PAIP2B: variants seen among roughly 807,000 people sequenced by gnomAD.
PAIP2B encodes polyadenylate-binding protein-interacting protein 2B.
Under a neutral mutation model 17.0 loss-of-function variants are expected in PAIP2B, and 13 were observed. That is an observed-to-expected ratio of 0.76 (90% CI 0.50 to 1.22). The LOEUF is 1.22. Among genes scored for constraint, PAIP2B ranks in the 50% most tolerant of loss-of-function variants. PAIP2B has a pLI of 0.00. For synonymous variants in PAIP2B, 43 were observed against 48.7 expected (o/e 0.88, Z 0.48); for missense variants, 117 against 144.5 (o/e 0.81, Z 0.98).
chr2:71,219,082 A>ATTTTTTT (rs568552077), intron 1 of PAIP2B, among the ~76,000 whole-genome samples: 4 of 113,998 alleles, frequency 3.5e-5, no homozygotes, highest in Non-Finnish European at 5.2e-5. Flanking sequence ...CGCCTAGCTA[A>ATTTTTTT]TTTTTTTTTT....
At chr2:71,217,999 T>C (rs1451429789) in intron 1 of PAIP2B, among the ~76,000 whole-genome samples, 1 of 152,138 alleles carries the variant, frequency 6.6e-6, no homozygotes, top group Non-Finnish European at 1.5e-5. Flanking sequence ...GCCCACGAGT[T>C]TGAGGCTGCA....
intron 2 of PAIP2B, among the ~76,000 whole-genome samples, chr2:71,198,094 T>C (rs1674869595): frequency 6.6e-6 from 1 of 152,226 alleles, no homozygotes; most frequent in Non-Finnish European, 1.5e-5. Context: ...CATTCCTTTC[T>C]ATTCTTCTTG....
chr2:71,194,526 G>A (rs531137904), intron 2 of PAIP2B, among the ~76,000 whole-genome samples: 2 of 149,626 alleles, frequency 1.3e-5, no homozygotes, highest in South Asian at 2.1e-4. Context: ...TTCTGATTTG[G>A]CTCTCAGTTT....
chr2:71,222,243 A>G (rs376867697), intron 1 of PAIP2B, among the ~76,000 whole-genome samples: 4 of 152,168 alleles, frequency 2.6e-5, no homozygotes, highest in African/African-American at 7.2e-5. Flanking sequence ...ACAAAAAAGC[A>G]TATCTGTAGC....
intron 1 of PAIP2B, among the ~76,000 whole-genome samples, chr2:71,208,909 G>A (rs1231799740): frequency 1.3e-5 from 2 of 152,200 alleles, no homozygotes; most frequent in South Asian, 4.1e-4. Flanking sequence ...CAGAAGGAAA[G>A]TGGCCCTCCT....
rs2103742129 is a variant in PAIP2B, at chr2:71,187,421, T to C, written c.*1058A>G. 1 of 152,296 alleles carries C rather than the reference T, an allele frequency of 6.6e-6. No homozygotes were observed. The highest frequency in any genetic ancestry group is 2.1e-4 in the South Asian group (1 of 4,828). The allele number at this position is 152,296 out of a possible 1,614,324, so 9.4% of individuals were successfully genotyped here. A position where few individuals can be genotyped will look rare whatever the true frequency, so the allele number is the denominator to read the frequency against. On this transcript the variant is annotated 3_prime_UTR_variant, in exon 4 of 4. Transcript: ENST00000244221. ...TTTTGAGTTCCTTTCCATAATTCTG[T>C]AATGTGGGAAGAAATATCCAAACTG...
At chr2:71,193,761 G>A (rs1674746084) in intron 2 of PAIP2B, among the ~76,000 whole-genome samples, 1 of 152,188 alleles carries the variant, frequency 6.6e-6, no homozygotes, top group African/African-American at 2.4e-5. Flanking sequence ...GGCTGAGGCA[G>A]GAGAATGGCG....
intron 1 of PAIP2B, among the ~76,000 whole-genome samples, chr2:71,223,270 G>GTGT: frequency 6.6e-6 from 1 of 151,966 alleles, no homozygotes; most frequent in Non-Finnish European, 1.5e-5. Context: ...AAAATTCGTT[G>GTGT]GGTGTGGTGG....
At chr2:71,199,379 C>A (rs766899318) in intron 2 of PAIP2B, among the ~76,000 whole-genome samples, 2 of 150,522 alleles carry the variant, frequency 1.3e-5, no homozygotes, top group Non-Finnish European at 3.0e-5. Flanking sequence ...TTAATAGACA[C>A]CCAACGGGAA....
intron 2 of PAIP2B, among the ~76,000 whole-genome samples, chr2:71,196,846 TTC>T (rs1558774202): frequency 6.6e-6 from 1 of 152,210 alleles, no homozygotes; most frequent in Non-Finnish European, 1.5e-5. Flanking sequence ...CCCTGCTTTT[TTC>T]TGTTTTCCAT....
chr2:71,195,277 A>C (rs1167712448), intron 2 of PAIP2B, among the ~76,000 whole-genome samples: 1 of 152,132 alleles, frequency 6.6e-6, no homozygotes, highest in Non-Finnish European at 1.5e-5. Flanking sequence ...AATTTTTTAG[A>C]ATAGTTTCTG....
intron 1 of PAIP2B, among the ~76,000 whole-genome samples, chr2:71,203,618 T>C (rs1483431242): frequency 1.3e-5 from 2 of 151,970 alleles, no homozygotes; most frequent in East Asian, 3.8e-4. Context: ...CCATTTATAT[T>C]TCTTATTCTG....
intron 1 of PAIP2B, among the ~76,000 whole-genome samples, chr2:71,213,718 T>G (rs1008725299): frequency 2.0e-5 from 3 of 152,152 alleles, no homozygotes; most frequent in Admixed American, 2.0e-4. Context: ...ACGGTGAGAC[T>G]TAAGTATGAA....
intron 2 of PAIP2B, among the ~76,000 whole-genome samples, chr2:71,195,296 G>T (rs899085915): frequency 6.6e-6 from 1 of 152,166 alleles, no homozygotes; most frequent in Non-Finnish European, 1.5e-5. Flanking sequence ...TGTAGGAATG[G>T]TACCAGCTCT....
At chr2:71,199,571 CTT>C (rs58823186) in intron 2 of PAIP2B, among the ~76,000 whole-genome samples, 3 of 145,654 alleles carry the variant, frequency 2.1e-5, no homozygotes. Context: ...CAACTGCGTC[CTT>C]TTTTTTTTTT....
At position 71,185,988 on chromosome 2, in the gene PAIP2B, T is replaced by G. The variant is rs1384064744; in HGVS notation, c.*2491A>C. 1.3e-5 allele frequency: 2 copies of G among 152,244 alleles called. No individual in the cohort carries two copies. Among genetic ancestry groups the G allele is most frequent in the South Asian group, 2.1e-4 (1 of 4,832 alleles). The allele number at this position is 152,244 out of a possible 1,614,324, so 9.4% of individuals were successfully genotyped here. On this transcript the variant is annotated 3_prime_UTR_variant, in exon 4 of 4. Transcript: ENST00000244221. ...TCCATTTCTATACAAATTCTCAAAC[T>G]TCTAGTTGCCAATTTAAAAAAGTTT...
intron 1 of PAIP2B, among the ~76,000 whole-genome samples, chr2:71,223,681 C>A (rs188074374): frequency 6.6e-6 from 1 of 152,226 alleles, no homozygotes; most frequent in East Asian, 1.9e-4. Context: ...TCGTGATCCA[C>A]CTGCCTCAGC....
rs1201811019 is a variant in PAIP2B at position 71,202,547 on chromosome 2, A to C, written c.43T>G (p.Ser15Ala). ...NMANTSPSVK[S>A]KEDQGLSGHD... ...CCACTTAACCCCTGGTCCTCTTTGG[A>C]TTTTACACTCGGTGATGTATTTGCC... Residue 15 changes from serine (S) to alanine (A), a missense_variant, in exon 2 of 4, where the codon TCC becomes GCC. Ser to Ala is a moderately conservative substitution (Grantham distance 99). Coordinates refer to ENST00000244221, the MANE Select transcript of PAIP2B (RefSeq NM_020459.1). The C allele has an allele frequency of 1.2e-6, 2 of 1,613,620 alleles. No individual in the cohort carries two copies. The highest frequency in any genetic ancestry group is 1.7e-6 in the Non-Finnish European group (2 of 1,179,722).
intron 1 of PAIP2B, among the ~76,000 whole-genome samples, chr2:71,226,221 C>T (rs1675720897): frequency 6.6e-6 from 1 of 152,188 alleles, no homozygotes; most frequent in Non-Finnish European, 1.5e-5. Context: ...TGCCAAACTC[C>T]CTGTTCTGCG....
Sources: allele counts gnomAD v4.1 joint callset (sites outside exome capture counted in the v4.1 genomes callset), GRCh38; gene constraint gnomAD v4.1.1; transcripts MANE v1.5; gene names NCBI Gene and HGNC (gene_info 2026-07-23, HGNC 2026-07-21).